The following GABRB2 variants were observed in gnomAD, a reference collection of about 807,000 sequenced individuals.
GABRB2 encodes gamma-aminobutyric acid type A receptor subunit beta2.
Under a neutral mutation model 54.7 loss-of-function variants are expected in GABRB2, and 16 were observed. That is an observed-to-expected ratio of 0.29 (90% CI 0.20 to 0.44). The LOEUF is 0.44. Among genes scored for constraint, GABRB2 ranks in the 20% least tolerant of loss-of-function variants. GABRB2 has a pLI of 1.00. For synonymous variants in GABRB2, 244 were observed against 233.8 expected (o/e 1.04, Z -0.40); for missense variants, 355 against 644.0 (o/e 0.55, Z 4.86).
intron 5 of GABRB2, among the ~76,000 whole-genome samples, chr5:161,363,185 A>C (rs1754869005): frequency 6.6e-6 from 1 of 152,232 alleles, no homozygotes; most frequent in Non-Finnish European, 1.5e-5. Flanking sequence ...ACACCATGGA[A>C]TACTATGCAG....
At chr5:161,336,106 C>A (rs1753982808) in intron 6 of GABRB2, among the ~76,000 whole-genome samples, 1 of 152,094 alleles carries the variant, frequency 6.6e-6, no homozygotes, top group Non-Finnish European at 1.5e-5. Flanking sequence ...GTGAAGATGG[C>A]AAAGGCCTCG....
chr5:161,442,748 TTCTC>T (rs897417429), intron 4 of GABRB2, among the ~76,000 whole-genome samples: 4 of 151,426 alleles, frequency 2.6e-5, no homozygotes, highest in South Asian at 2.1e-4. Flanking sequence ...CCCTTTTCAA[TTCTC>T]TCTCTCTCTC....
intron 9 of GABRB2, among the ~76,000 whole-genome samples, chr5:161,305,102 C>T (rs867813477): frequency 3.3e-5 from 5 of 149,392 alleles, no homozygotes; most frequent in Admixed American, 6.7e-5. Flanking sequence ...CTGCAAGCTC[C>T]GCTTCCCGGG....
At chr5:161,394,062 C>A (rs948026194) in intron 5 of GABRB2, among the ~76,000 whole-genome samples, 2 of 151,796 alleles carry the variant, frequency 1.3e-5, no homozygotes, top group African/African-American at 4.8e-5. Context: ...GTTAAGATTA[C>A]TATATATAGG....
At chr5:161,307,263 C>T (rs1455777193) in intron 9 of GABRB2, among the ~76,000 whole-genome samples, 2 of 152,156 alleles carry the variant, frequency 1.3e-5, no homozygotes, top group Admixed American at 1.3e-4. Context: ...CTTCACTGCT[C>T]TTATTTCCAT....
intron 4 of GABRB2, among the ~76,000 whole-genome samples, chr5:161,440,241 A>T (rs982581807): frequency 6.6e-6 from 1 of 152,134 alleles, no homozygotes; most frequent in Non-Finnish European, 1.5e-5. Flanking sequence ...GTCTTTATTT[A>T]TCAATAATGA....
intron 5 of GABRB2, among the ~76,000 whole-genome samples, chr5:161,362,050 T>G (rs1191529312): frequency 6.6e-6 from 1 of 152,198 alleles, no homozygotes; most frequent in Admixed American, 6.5e-5. Flanking sequence ...CCCTGTTGCT[T>G]GTTTTTGTCA....
intron 5 of GABRB2, among the ~76,000 whole-genome samples, chr5:161,351,926 A>G (rs1235925522): frequency 2.0e-5 from 3 of 152,096 alleles, no homozygotes; most frequent in African/African-American, 4.8e-5. Flanking sequence ...GAAGACATAT[A>G]AATGGCAAAC....
chr5:161,372,547 C>T lies in GABRB2; in HGVS notation c.542-35778G>A, dbSNP rs560168662. ...CTAAAACCCAGGATAACTTAGCATC[C>T]ACTGAGGTATGTCTCCCCCTTTTCT... On this transcript the variant is annotated intron_variant, in intron 5 of 9. Coordinates refer to ENST00000393959, the MANE Select transcript of GABRB2 (RefSeq NM_001371727.1). Among the ~76,000 whole-genome samples the T allele has an allele frequency of 1.1e-3, 172 of 152,228 alleles. 2 individuals carry two copies. The highest frequency in any genetic ancestry group is 6.6e-4 in the Non-Finnish European group (45 of 68,018).
At chr5:161,443,389 C>T (rs1342651719) in intron 4 of GABRB2, among the ~76,000 whole-genome samples, 1 of 152,032 alleles carries the variant, frequency 6.6e-6, no homozygotes, top group African/African-American at 2.4e-5. Flanking sequence ...AACAGAAGTC[C>T]GAACAGGATA....
intron 5 of GABRB2, among the ~76,000 whole-genome samples, chr5:161,368,267 A>AT (rs1375982507): frequency 2.6e-5 from 4 of 152,032 alleles, no homozygotes; most frequent in Non-Finnish European, 5.9e-5. Flanking sequence ...AGGAAGCAAT[A>AT]TTTTTTCTGA....
rs114758431 is a variant in GABRB2 at position 161,434,694 on chromosome 5, G to A, written c.459-23637C>T. Among the ~76,000 whole-genome samples the A allele has an allele frequency of 3.2e-3, 492 of 152,160 alleles. 5 individuals carry two copies. Among genetic ancestry groups the A allele is most frequent in the African/African-American group, 0.011 (469 of 41,528 alleles). ...TCACCCCCTCCCCATCACCTCGTAA[G>A]CATACACCAAACAGATTATTTAGAA... On this transcript the variant is annotated intron_variant, in intron 4 of 9. Transcript: ENST00000393959.
At chr5:161,534,109 C>T (rs1356457202) in intron 3 of GABRB2, among the ~76,000 whole-genome samples, 1 of 152,160 alleles carries the variant, frequency 6.6e-6, no homozygotes, top group Non-Finnish European at 1.5e-5. Flanking sequence ...CCTCTACTTT[C>T]TAAAAGCACA....
intron 4 of GABRB2, among the ~76,000 whole-genome samples, chr5:161,424,411 T>A (rs1005243313): frequency 6.6e-6 from 1 of 152,096 alleles, no homozygotes; most frequent in Non-Finnish European, 1.5e-5. Flanking sequence ...TTAAGTTGAA[T>A]GTAGGGCTCA....
In GABRB2 at chr5:161,293,522, G is replaced by A. The variant is rs1397147540; in HGVS notation, c.*559C>T. ...GGCCAAATCGGTTTCCTGAGTCTCT[G>A]TCTTGATTCCCCTAGCCTGCTCAAA... On this transcript the variant is annotated 3_prime_UTR_variant, in exon 10 of 10. Transcript: ENST00000393959. The A allele has an allele frequency of 6.6e-6, 1 of 152,496 alleles. No homozygotes were observed. Among genetic ancestry groups the A allele is most frequent in the Non-Finnish European group, 1.5e-5 (1 of 68,272 alleles). 9.4% of individuals were successfully genotyped at this position (152,496 alleles called of 1,614,324 possible).
intron 3 of GABRB2, among the ~76,000 whole-genome samples, chr5:161,509,493 T>A (rs1490905948): frequency 6.6e-6 from 1 of 151,904 alleles, no homozygotes; most frequent in African/African-American, 2.4e-5. Context: ...TTTTCTGACA[T>A]CCTCAGAGAA....
At chr5:161,357,994 T>C (rs907327335) in intron 5 of GABRB2, among the ~76,000 whole-genome samples, 5 of 152,182 alleles carry the variant, frequency 3.3e-5, no homozygotes, top group Admixed American at 2.6e-4. Context: ...GCAATCAGCA[T>C]ACTGATGATA....
rs149572588 is a variant in GABRB2 at position 161,297,087 on chromosome 5, T to C, written c.1192-2659A>G. Among the ~76,000 whole-genome samples the C allele has an allele frequency of 1.5e-3, 225 of 152,204 alleles. 1 individual carries two copies. In the East Asian group the frequency reaches 0.032, roughly 21 times the overall value. On this transcript the variant is annotated intron_variant, in intron 9 of 9. Transcript: ENST00000393959. The stretch of plus-strand genomic sequence containing the variant: ...AATTAAGTATGTTGCCCTTGTGGTG[T>C]AGATGTATGAGTGATGAAATTTCTA...
At position 161,290,522 on chromosome 5, in the gene GABRB2, T is replaced by C. The variant is rs1757208271; in HGVS notation, c.*3559A>G. On this transcript the variant is annotated 3_prime_UTR_variant, in exon 10 of 10. Coordinates refer to ENST00000393959, the MANE Select transcript of GABRB2 (RefSeq NM_001371727.1). ...ATTACTTATTTCAGTATGTTGATTT[T>C]TGTTTGCCAAATTAAAAATACTCAT... 6.6e-6 allele frequency: 1 copy of C among 152,576 alleles called. No homozygotes were observed. The highest frequency in any genetic ancestry group is 1.5e-5 in the Non-Finnish European group (1 of 68,004). The allele number at this position is 152,576 out of a possible 1,614,324, so 9.5% of individuals were successfully genotyped here.
Sources: gnomAD v4.1 joint callset for allele counts (sites outside exome capture counted in the v4.1 genomes callset) on GRCh38, gnomAD v4.1.1 for gene constraint, MANE v1.5 for transcripts, NCBI Gene and HGNC (gene_info 2026-07-23, HGNC 2026-07-21) for gene names.